Variants in DOCK3 observed in about 807,000 individuals in gnomAD.
The protein encoded by DOCK3 is dedicator of cytokinesis 3.
Under a neutral mutation model 265.6 loss-of-function variants are expected in DOCK3, and 60 were observed. The ratio of observed to expected loss-of-function variants is 0.23; its 90% CI spans 0.18 to 0.28. The LOEUF is 0.28. Among genes scored for constraint, DOCK3 ranks in the 10% least tolerant of loss-of-function variants. DOCK3 has a pLI of 1.00. For missense variants in DOCK3, 1,981 were observed against 2,594.3 expected (o/e 0.76, Z 5.14); for synonymous variants, 881 against 938.0 (o/e 0.94, Z 1.11).
chr3:51,181,071 C>T (rs187954436), intron 12 of DOCK3, among the ~76,000 whole-genome samples: 110 of 152,188 alleles, frequency 7.2e-4, no homozygotes, highest in African/African-American at 2.6e-3. Context: ...CACGTACAGG[C>T]TATTTGTCTT....
chr3:50,829,442 T>C (rs999133423), intron 2 of DOCK3, among the ~76,000 whole-genome samples: 1 of 152,178 alleles, frequency 6.6e-6, no homozygotes, highest in African/African-American at 2.4e-5. Context: ...GAGATTAATA[T>C]AAAATTTTGG....
At chr3:51,017,054 T>C (rs2079376019) in intron 5 of DOCK3, among the ~76,000 whole-genome samples, 1 of 146,984 alleles carries the variant, frequency 6.8e-6, no homozygotes, top group Non-Finnish European at 1.5e-5. Flanking sequence ...TTGATCTTAT[T>C]ACTTGTTATT....
chr3:50,866,149 C>T (rs2047131030), intron 3 of DOCK3, among the ~76,000 whole-genome samples: 1 of 151,912 alleles, frequency 6.6e-6, no homozygotes. Context: ...CCCGTTTGTC[C>T]ATTTTTTCTT....
chr3:50,676,702 C>A (rs2033983588), intron 1 of DOCK3, among the ~76,000 whole-genome samples: 1 of 114,910 alleles, frequency 8.7e-6, no homozygotes, highest in Non-Finnish European at 1.8e-5. Flanking sequence ...GGGGAGGAGC[C>A]CTATTTTGGC....
chr3:50,861,067 C>T (rs540855817), intron 3 of DOCK3, among the ~76,000 whole-genome samples: 9 of 152,270 alleles, frequency 5.9e-5, no homozygotes, highest in African/African-American at 1.4e-4. Context: ...TCTCCTGATC[C>T]GAGGGTTGCA....
Position 50,681,217 on chromosome 3 carries a change from A to G in DOCK3, c.37+5917A>G, listed in dbSNP as rs189418961. Among the ~76,000 whole-genome samples, 32 of 152,330 alleles carry G rather than the reference A, an allele frequency of 2.1e-4. No individual in the cohort carries two copies. The East Asian group carries it at 6.2e-3, about 29-fold the overall frequency. On this transcript the variant is annotated intron_variant, in intron 1 of 52. Coordinates refer to ENST00000266037, the MANE Select transcript of DOCK3 (RefSeq NM_004947.5). ...CATTAAGCTAAATTGTAAACATGGC[A>G]CCTATTTCTGTGTAGTATTAGATGC... is the stretch of plus-strand genomic sequence containing the variant.
chr3:50,861,768 T>G (rs2046922371), intron 3 of DOCK3, among the ~76,000 whole-genome samples: 1 of 152,042 alleles, frequency 6.6e-6, no homozygotes, highest in South Asian at 2.1e-4. Context: ...TTTTTTTTTT[T>G]TTGCTTTGCA....
At chr3:51,005,637 C>A (rs140569490) in intron 5 of DOCK3, among the ~76,000 whole-genome samples, 104 of 152,268 alleles carry the variant, frequency 6.8e-4, no homozygotes, top group African/African-American at 2.5e-3. Context: ...TACTATAACT[C>A]CAATCAAATG....
chr3:50,788,304 A>G, intron 2 of DOCK3: 1 of 381,748 alleles, frequency 2.6e-6, no homozygotes, highest in Non-Finnish European at 4.5e-6. Flanking sequence ...GACTCAATTT[A>G]TTAAGCAGTT....
At chr3:50,691,283 CAAAAA>C (rs371533246) in intron 1 of DOCK3, among the ~76,000 whole-genome samples, 1 of 64,332 alleles carries the variant, frequency 1.6e-5, no homozygotes. Context: ...GACTCTGTCT[CAAAAA>C]AAAAAAAAAA....
At chr3:51,014,828 T>C (rs1400197199) in intron 5 of DOCK3, among the ~76,000 whole-genome samples, 1 of 152,156 alleles carries the variant, frequency 6.6e-6, no homozygotes, top group Non-Finnish European at 1.5e-5. Context: ...TTCACCATTG[T>C]TTTGTAGTTT....
At chr3:50,694,066 T>C (rs2035445364) in intron 1 of DOCK3, among the ~76,000 whole-genome samples, 2 of 151,426 alleles carry the variant, frequency 1.3e-5, no homozygotes, top group South Asian at 4.2e-4. Flanking sequence ...GTCAGGAGTT[T>C]CAGACCAGCC....
At chr3:50,747,100 A>C (rs2039495466) in intron 1 of DOCK3, among the ~76,000 whole-genome samples, 1 of 152,220 alleles carries the variant, frequency 6.6e-6, no homozygotes, top group Non-Finnish European at 1.5e-5. Flanking sequence ...CTTTGTAAAA[A>C]ATCAACTGTC....
intron 5 of DOCK3, among the ~76,000 whole-genome samples, chr3:51,007,686 G>A (rs1219716966): frequency 6.6e-6 from 1 of 152,050 alleles, no homozygotes; most frequent in East Asian, 1.9e-4. Context: ...TAGTCATGAA[G>A]TCCTTGCCCA....
intron 1 of DOCK3, among the ~76,000 whole-genome samples, chr3:50,737,223 A>G (rs188567306): frequency 4.8e-4 from 73 of 152,182 alleles, no homozygotes; most frequent in African/African-American, 1.6e-3. Flanking sequence ...CCGTTTGTCA[A>G]TTTTGGCTTT....
At chr3:51,032,195 G>A (rs2080080201) in intron 5 of DOCK3, among the ~76,000 whole-genome samples, 1 of 151,238 alleles carries the variant, frequency 6.6e-6, no homozygotes, top group Non-Finnish European at 1.5e-5. Flanking sequence ...TCTCACTTCA[G>A]TGATTTTTCC....
At chr3:50,754,359 C>T (rs184886629) in intron 1 of DOCK3, among the ~76,000 whole-genome samples, 15 of 151,928 alleles carry the variant, frequency 9.9e-5, no homozygotes, top group Admixed American at 6.6e-4. Context: ...AACCAGGTGC[C>T]GGGATTTATA....
intron 9 of DOCK3, among the ~76,000 whole-genome samples, chr3:51,105,430 A>G (rs1183726600): frequency 6.6e-6 from 1 of 152,212 alleles, no homozygotes; most frequent in Admixed American, 6.5e-5. Flanking sequence ...GAGAAACAAG[A>G]CATGTGCCCA....
chr3:50,799,182 G>A (rs2042946316), intron 2 of DOCK3, among the ~76,000 whole-genome samples: 1 of 152,086 alleles, frequency 6.6e-6, no homozygotes, highest in Non-Finnish European at 1.5e-5. Context: ...GCCCAAGATT[G>A]CTTTGAGTAT....
Sources: allele counts gnomAD v4.1 joint callset (sites outside exome capture counted in the v4.1 genomes callset), GRCh38; gene constraint gnomAD v4.1.1; transcripts MANE v1.5; gene names NCBI Gene and HGNC (gene_info 2026-07-23, HGNC 2026-07-21).